The following RSPRY1 variants were observed in gnomAD, a reference collection of about 807,000 sequenced individuals.
RSPRY1 encodes the protein ring finger and SPRY domain containing 1.
In RSPRY1, 23 loss-of-function variants were observed where a neutral mutation model predicts 73.1. That is an observed-to-expected ratio of 0.31 (90% confidence interval 0.23 to 0.45). The LOEUF is 0.45. RSPRY1 is among the 20% of genes least tolerant of loss of function. RSPRY1 has a pLI of 1.00. For synonymous variants in RSPRY1, 226 were observed against 251.4 expected (o/e 0.90, Z 0.95); for missense variants, 448 against 698.7 (o/e 0.64, Z 4.05).
intron 1 of RSPRY1, among the ~76,000 whole-genome samples, chr16:57,202,292 A>G (rs1038137779): frequency 2.0e-5 from 3 of 152,164 alleles, no homozygotes; most frequent in Non-Finnish European, 4.4e-5. Flanking sequence ...GCCACTTCCA[A>G]GATGGCGGCA....
chr16:57,239,017 C>A lies in RSPRY1; in HGVS notation c.*42C>A. ...TCGTGGACTTTTTTCTACTCAATTC[C>A]AGCCAATGTTGAAAAGAAAAAGAAA... On this transcript the variant is annotated 3_prime_UTR_variant, in exon 15 of 15. Transcript: ENST00000394420. The A allele has an allele frequency of 9.2e-7, 1 of 1,084,824 alleles. No homozygotes were observed. The highest frequency in any genetic ancestry group is 1.4e-6 in the Non-Finnish European group (1 of 728,896). The allele number at this position is 1,084,824 out of a possible 1,614,324, so 67.2% of individuals were successfully genotyped here. A position where few individuals can be genotyped will look rare whatever the true frequency, so the allele number is the denominator to read the frequency against.
intron 2 of RSPRY1, among the ~76,000 whole-genome samples, chr16:57,205,469 A>G (rs753347753): frequency 2.6e-5 from 4 of 152,122 alleles, no homozygotes; most frequent in Admixed American, 6.5e-5. Context: ...ATTATCCTTT[A>G]TTTGATCCTT....
intron 2 of RSPRY1, among the ~76,000 whole-genome samples, chr16:57,206,787 A>G (rs2074734491): frequency 6.6e-6 from 1 of 152,182 alleles, no homozygotes; most frequent in Non-Finnish European, 1.5e-5. Context: ...CTGGTCTCAA[A>G]TACCTGGACT....
chr16:57,204,029 C>T (rs563723141), intron 1 of RSPRY1, among the ~76,000 whole-genome samples: 4 of 152,086 alleles, frequency 2.6e-5, no homozygotes, highest in East Asian at 1.9e-4. Context: ...TAACAACAAA[C>T]GTCTGTAATT....
At position 57,204,959 on chromosome 16, in the gene RSPRY1, G is replaced by A; in HGVS notation, c.301G>A (p.Asp101Asn). 1.2e-6 allele frequency: 2 copies of A among 1,614,210 alleles called. No individual in the cohort carries two copies. The highest frequency in any genetic ancestry group is 1.7e-6 in the Non-Finnish European group (2 of 1,180,046). ...HEPRRKKQNV[D>N]GLVLDTLAVI... The stretch of plus-strand genomic sequence containing the variant: ...GCCAAGGAGAAAGAAACAAAATGTG[G>A]ATGGGCTAGTGTTGGACACACTGGC... Residue 101 changes from aspartate to asparagine, a missense_variant, in exon 2 of 15, where the codon GAT becomes AAT. Asp to Asn is a conservative substitution (Grantham distance 23). Coordinates refer to ENST00000394420, the MANE Select transcript of RSPRY1 (RefSeq NM_133368.3).
chr16:57,223,564 A>T (rs1400962215), intron 10 of RSPRY1, among the ~76,000 whole-genome samples: 1 of 152,056 alleles, frequency 6.6e-6, no homozygotes, highest in Non-Finnish European at 1.5e-5. Flanking sequence ...TGGATCACTT[A>T]AGGTCAGGAG....
chr16:57,207,755 G>C, intron 2 of RSPRY1: 1 of 490,786 alleles, frequency 2.0e-6, no homozygotes, highest in South Asian at 1.5e-5. Context: ...GTGTAAAGCT[G>C]AGAGTAGGCT....
chr16:57,204,890 C>T lies in RSPRY1; in HGVS notation c.232C>T (p.Arg78Trp), dbSNP rs755475021. ...VPTADTRSQP[R>W]DPVRPPRRGR... ...CACTGCTGACACAAGGAGCCAACCA[C>T]GGGACCCTGTTCGGCCACCAAGGAG... The change falls in exon 2 of 15, where the codon CGG becomes TGG. Residue 78 changes from arginine to tryptophan, a missense_variant. Coordinates refer to ENST00000394420, the MANE Select transcript of RSPRY1 (RefSeq NM_133368.3). 9.9e-6 allele frequency: 16 copies of T among 1,614,060 alleles called. No homozygotes were observed. The highest frequency in any genetic ancestry group is 1.2e-5 in the Non-Finnish European group (14 of 1,180,044).
chr16:57,237,170 G>A (rs1453617936), intron 14 of RSPRY1, among the ~76,000 whole-genome samples: 1 of 152,128 alleles, frequency 6.6e-6, no homozygotes, highest in Non-Finnish European at 1.5e-5. Flanking sequence ...TTGAGATGGA[G>A]TCTTGCTCTG....
At chr16:57,198,375 C>T (rs1425711613) in intron 1 of RSPRY1, among the ~76,000 whole-genome samples, 1 of 136,870 alleles carries the variant, frequency 7.3e-6, no homozygotes, top group Non-Finnish European at 1.6e-5. Context: ...CAGAGCAAGA[C>T]TCCGTCTCAA....
chr16:57,216,816 C>T, intron 7 of RSPRY1, 88 bp from the exon 8 acceptor site: 1 of 1,254,270 alleles, frequency 8.0e-7, no homozygotes, highest in Non-Finnish European at 1.1e-6. Flanking sequence ...CTTTAATTGC[C>T]TCTTCCCCCT....
intron 14 of RSPRY1, among the ~76,000 whole-genome samples, chr16:57,236,412 A>G (rs563929482): frequency 6.6e-6 from 1 of 152,220 alleles, no homozygotes; most frequent in Non-Finnish European, 1.5e-5. Flanking sequence ...TAAAAGAATT[A>G]TAAGAAAATT....
chr16:57,206,953 A>G (rs1325872563), intron 2 of RSPRY1, among the ~76,000 whole-genome samples: 1 of 152,248 alleles, frequency 6.6e-6, no homozygotes. Context: ...GTTACTGTAT[A>G]TAAATCTACA....
At chr16:57,193,903 T>C (rs909724890) in intron 1 of RSPRY1, among the ~76,000 whole-genome samples, 1 of 152,102 alleles carries the variant, frequency 6.6e-6, no homozygotes, top group African/African-American at 2.4e-5. Context: ...CCATCTCTAC[T>C]GAAAACACAA....
chr16:57,234,743 T>C (rs1336442205), intron 13 of RSPRY1, among the ~76,000 whole-genome samples: 1 of 152,246 alleles, frequency 6.6e-6, no homozygotes, highest in African/African-American at 2.4e-5. Context: ...AACTTGTATA[T>C]GTGTGTTTTT....
At chr16:57,215,137 A>G (rs2074916468) in intron 6 of RSPRY1, among the ~76,000 whole-genome samples, 1 of 152,082 alleles carries the variant, frequency 6.6e-6, no homozygotes, top group Non-Finnish European at 1.5e-5. Context: ...GGGTCATGCT[A>G]TAGATGAGGA....
Position 57,221,389 on chromosome 16 carries a change from A to G in RSPRY1, c.1135A>G (p.Thr379Ala), listed in dbSNP as rs2075033155. The change falls in exon 10 of 15, where the codon ACT becomes GCT. Residue 379 changes from threonine (T) to alanine (A), a missense_variant. Physicochemically the swap from Thr to Ala is moderately conservative, Grantham distance 58. Transcript: ENST00000394420. The stretch of plus-strand genomic sequence containing the variant: ...TGGCGTCATGCAGATTGGCTGGGCC[A>G]CTCGAGACAGCAAATTCCTCAATCA... ...TSGVMQIGWA[T>A]RDSKFLNHEG... is the part of the protein sequence containing the mutation. 5 of 1,613,594 alleles carry G rather than the reference A, an allele frequency of 3.1e-6. No homozygotes were observed. The highest frequency in any genetic ancestry group is 1.7e-5 in the Admixed American group (1 of 59,904).
intron 1 of RSPRY1, among the ~76,000 whole-genome samples, chr16:57,202,937 TTTTC>T (rs2074653069): frequency 6.8e-6 from 1 of 147,462 alleles, no homozygotes; most frequent in South Asian, 2.2e-4. Context: ...ATTTTTCTCT[TTTTC>T]TTCTATGTTT....
Position 57,213,016 on chromosome 16 carries a change from A to T in RSPRY1, c.561A>T (p.Glu187Asp). The change falls in exon 5 of 15, where the codon GAA (glutamate) becomes GAT (aspartate). Residue 187 changes from glutamate to aspartate, a missense_variant. Coordinates refer to ENST00000394420, the MANE Select transcript of RSPRY1 (RefSeq NM_133368.3). ...KLTEILNLNG[E>D]VACQDSSHPA... is the part of the protein sequence containing the mutation. ...CTGAAATTCTCAATTTAAATGGAGA[A>T]GTAGCTTGCCAGGACTCAAGCCATC... 1.2e-6 allele frequency: 2 copies of T among 1,614,142 alleles called. No homozygotes were observed. Among genetic ancestry groups the T allele is most frequent in the Non-Finnish European group, 1.7e-6 (2 of 1,179,984 alleles).
Sources: gnomAD v4.1 joint callset for allele counts (sites outside exome capture counted in the v4.1 genomes callset) on GRCh38, gnomAD v4.1.1 for gene constraint, MANE v1.5 for transcripts, NCBI Gene and HGNC (gene_info 2026-07-23, HGNC 2026-07-21) for gene names.